SHROOM3: variants seen among roughly 807,000 people sequenced by gnomAD.
SHROOM3 encodes the protein protein Shroom3.
In SHROOM3, 47 loss-of-function variants were observed where a neutral mutation model predicts 138.6. The observed-to-expected ratio is 0.34, with a 90% CI of 0.27 to 0.43. The LOEUF is 0.43. Among genes scored for constraint, SHROOM3 ranks in the 20% least tolerant of loss-of-function variants. The probability of loss-of-function intolerance (pLI) is 1.00; values close to 1 mark genes in which losing one functional copy is unlikely to be tolerated. For missense variants in SHROOM3, 2,491 were observed against 2,596.5 expected, an observed-to-expected ratio of 0.96 and a Z score of 0.88; for synonymous variants, 1,062 against 1,063.3, an observed-to-expected ratio of 1.00 and a Z score of 0.02.
At chr4:76,449,951 G>A (rs1324237743) in intron 1 of SHROOM3, among the ~76,000 whole-genome samples, 3 of 152,136 alleles carry the variant, frequency 2.0e-5, no homozygotes, top group Non-Finnish European at 4.4e-5. Context: ...TTTACTCTTT[G>A]TATTAAGAAT....
At chr4:76,580,715 T>C (rs1237470759) in intron 2 of SHROOM3, among the ~76,000 whole-genome samples, 1 of 152,142 alleles carries the variant, frequency 6.6e-6, no homozygotes, top group Non-Finnish European at 1.5e-5. Flanking sequence ...CGTGAGCCAC[T>C]GTACCCCGCC....
At chr4:76,663,752 A>C (rs1314077691) in intron 2 of SHROOM3, among the ~76,000 whole-genome samples, 1 of 152,214 alleles carries the variant, frequency 6.6e-6, no homozygotes, top group Non-Finnish European at 1.5e-5. Flanking sequence ...TTACATAAAC[A>C]TCCAGATGTC....
Position 76,778,839 on chromosome 4 carries a change from G to A in SHROOM3, c.5653G>A (p.Ala1885Thr). 2 of 1,612,522 alleles carry A rather than the reference G, an allele frequency of 1.2e-6. No individual in the cohort carries two copies. The highest frequency in any genetic ancestry group is 1.7e-6 in the Non-Finnish European group (2 of 1,180,022). ...TCTTTACGAGAAAAGGAAGATCCTG[G>A]CTGGTCAGCATGAGGATGCCCGGGA... is the stretch of plus-strand genomic sequence containing the variant. ...SSLYEKRKILAGQHEDARELK... is the reference protein window; with the variant it reads ...SSLYEKRKILTGQHEDARELK... Residue 1885 changes from alanine (A) to threonine (T), a missense_variant, in exon 11 of 11, where the codon GCT (alanine) becomes ACT (threonine). Physicochemically the swap from Ala to Thr is moderately conservative, Grantham distance 58 (BLOSUM62 0). Around this residue, in one of 4 missense-constraint regions of SHROOM3, gnomAD observed 470 missense variants for 595.0 expected, o/e 0.79. Transcript: ENST00000296043.
intron 2 of SHROOM3, among the ~76,000 whole-genome samples, chr4:76,615,629 G>A (rs192707659): frequency 2.6e-5 from 4 of 151,856 alleles, no homozygotes; most frequent in East Asian, 2.0e-4. Context: ...GAAAGGAGTG[G>A]GGGAGGCACC....
rs1189745985 is a variant in SHROOM3, at chr4:76,735,856, AAAAAAAAAAAAAATATATAT to A, written c.588-2903_588-2884del. ...CTCTATCTTAAAAAAAAAAAAAAAA[AAAAAAAAAAAAAATATATAT>A]ATATATATATATATATATATATATA... On this transcript the variant is annotated intron_variant, in intron 4 of 10. Transcript: ENST00000296043. Among the ~76,000 whole-genome samples, 56 of 47,992 alleles carry A rather than the reference AAAAAAAAAAAAAATATATAT, an allele frequency of 1.2e-3. No individual in the cohort carries two copies. The East Asian group carries it at 0.013, about 11-fold the overall frequency. The allele number at this position is 47,992 out of a possible 152,430, so 31.5% of individuals were successfully genotyped here. A position where few individuals can be genotyped will look rare whatever the true frequency, so the allele number is the denominator to read the frequency against.
At chr4:76,460,780 C>A (rs1264604264) in intron 1 of SHROOM3, among the ~76,000 whole-genome samples, 1 of 141,234 alleles carries the variant, frequency 7.1e-6, no homozygotes, top group African/African-American at 2.6e-5. Flanking sequence ...AGTTTTAAGT[C>A]CAGGAGTCAA....
intron 1 of SHROOM3, among the ~76,000 whole-genome samples, chr4:76,465,023 G>A (rs962353193): frequency 6.6e-6 from 1 of 152,110 alleles, no homozygotes; most frequent in Non-Finnish European, 1.5e-5. Context: ...GTGGTGTTTT[G>A]AGTGCCTGAA....
chr4:76,687,227 G>A (rs1468903420), intron 2 of SHROOM3, among the ~76,000 whole-genome samples: 1 of 152,178 alleles, frequency 6.6e-6, no homozygotes, highest in Non-Finnish European at 1.5e-5. Flanking sequence ...AAGACAGGCT[G>A]TGCACCTTTT....
chr4:76,450,145 G>A (rs1218757717), intron 1 of SHROOM3, among the ~76,000 whole-genome samples: 1 of 152,164 alleles, frequency 6.6e-6, no homozygotes, highest in Admixed American at 6.5e-5. Context: ...TCAAAAAGCA[G>A]CACAGAAGAA....
At chr4:76,574,603 C>G (rs56000349) in intron 2 of SHROOM3, among the ~76,000 whole-genome samples, 4,562 of 152,134 alleles carry the variant, frequency 0.03, 219 homozygotes, top group African/African-American at 0.1. Context: ...TACATAAACT[C>G]AAATCATTTT....
At chr4:76,577,852 A>G (rs1055518834) in intron 2 of SHROOM3, among the ~76,000 whole-genome samples, 4 of 152,216 alleles carry the variant, frequency 2.6e-5, no homozygotes, top group Non-Finnish European at 4.4e-5. Context: ...ATATTCATAT[A>G]AGACAATGTT....
chr4:76,622,393 C>T lies in SHROOM3; in HGVS notation c.323+66630C>T, dbSNP rs372983627. 4.6e-5 allele frequency among the ~76,000 whole-genome samples: 7 copies of T among 152,100 alleles called. No homozygotes were observed. In the South Asian group the frequency reaches 6.2e-4, roughly 14 times the overall value. ...TCAATAAAATGGCCCTTCTCAGCAA[C>T]GGAACATTCTTGACTCCTGAGGCAG... On this transcript the variant is annotated intron_variant, in intron 2 of 10. Transcript: ENST00000296043.
At chr4:76,607,624 C>A (rs980729298) in intron 2 of SHROOM3, among the ~76,000 whole-genome samples, 3 of 152,068 alleles carry the variant, frequency 2.0e-5, no homozygotes, top group African/African-American at 7.2e-5. Context: ...AAGTCTAACA[C>A]AAAAGCAACA....
chr4:76,545,558 A>G (rs551139790), intron 1 of SHROOM3, among the ~76,000 whole-genome samples: 1 of 152,332 alleles, frequency 6.6e-6, no homozygotes, highest in South Asian at 2.1e-4. Context: ...AAAATAACCT[A>G]TCTCCTCCTC....
intron 4 of SHROOM3, among the ~76,000 whole-genome samples, chr4:76,732,213 C>T (rs925969434): frequency 1.3e-5 from 2 of 152,150 alleles, no homozygotes; most frequent in Non-Finnish European, 2.9e-5. Flanking sequence ...ATAAGGGTCA[C>T]TTAGTCCTTA....
chr4:76,531,209 C>T lies in SHROOM3; in HGVS notation c.169-24400C>T, dbSNP rs558433967. 1.2e-4 allele frequency among the ~76,000 whole-genome samples: 18 copies of T among 152,258 alleles called. No individual in the cohort carries two copies. In the South Asian group the frequency reaches 1.7e-3, roughly 14 times the overall value. The stretch of plus-strand genomic sequence containing the variant: ...ACAATCCAATAGGATAACCCAGTAA[C>T]GTGAGCATTTGTCCTGTGTCCCAAC... On this transcript the variant is annotated intron_variant, in intron 1 of 10. Coordinates refer to ENST00000296043, the MANE Select transcript of SHROOM3 (RefSeq NM_020859.4).
At chr4:76,487,627 C>T (rs565907025) in intron 1 of SHROOM3, among the ~76,000 whole-genome samples, 20 of 150,198 alleles carry the variant, frequency 1.3e-4, no homozygotes, top group South Asian at 8.3e-4. Flanking sequence ...TGTTGTGAGC[C>T]GGTAGGTGAA....
In SHROOM3 at chr4:76,555,043, G is replaced by A. The variant is rs138846731; in HGVS notation, c.169-566G>A. Reference sequence around the variant, plus strand: ...GCCCCCAGTGGGACCATCTAGTTGCGGGAAACAAGCTCAGGGCTCCGCTGA... The same window carrying A: ...GCCCCCAGTGGGACCATCTAGTTGCAGGAAACAAGCTCAGGGCTCCGCTGA... On this transcript the variant is annotated intron_variant, in intron 1 of 10. Transcript: ENST00000296043. 4.1e-3 allele frequency among the ~76,000 whole-genome samples: 614 copies of A among 151,434 alleles called. 3 individuals are homozygous for A. Among genetic ancestry groups the A allele is most frequent in the African/African-American group, 0.014 (582 of 41,272 alleles).
At chr4:76,553,644 C>T (rs1239272687) in intron 1 of SHROOM3, among the ~76,000 whole-genome samples, 1 of 152,058 alleles carries the variant, frequency 6.6e-6, no homozygotes, top group African/African-American at 2.4e-5. Context: ...GTGTGTGCCA[C>T]CACACCCGTC....
Sources: allele counts gnomAD v4.1 joint callset (sites outside exome capture counted in the v4.1 genomes callset), GRCh38; gene constraint gnomAD v4.1.1; regional missense constraint gnomAD v4.1.1; transcripts MANE v1.5; gene names NCBI Gene and HGNC (gene_info 2026-07-23, HGNC 2026-07-21).